The following ARMC2 variants were observed in gnomAD, a reference collection of about 807,000 sequenced individuals.
ARMC2 encodes armadillo repeat containing 2, also known as armadillo repeat-containing protein 2.
In ARMC2, 67 loss-of-function variants were observed where a neutral mutation model predicts 90.3. That is an observed-to-expected ratio of 0.74 (90% CI 0.61 to 0.91). The LOEUF is 0.91. Among genes scored for constraint, ARMC2 ranks in the 40% least tolerant of loss-of-function variants. ARMC2 has a pLI of 0.00. For synonymous variants in ARMC2, 393 were observed against 393.0 expected, an observed-to-expected ratio of 1.00 and a Z score of 0.00; for missense variants, 920 against 1,030.9, an observed-to-expected ratio of 0.89 and a Z score of 1.47.
At chr6:108,891,471 G>A (rs912309058) in intron 5 of ARMC2, among the ~76,000 whole-genome samples, 12 of 152,194 alleles carry the variant, frequency 7.9e-5, no homozygotes, top group African/African-American at 2.9e-4. Flanking sequence ...ATATCTCATT[G>A]TGGTTTTGAT....
chr6:108,862,165 G>A, intron 3 of ARMC2, among the ~76,000 whole-genome samples: 1 of 151,884 alleles, frequency 6.6e-6, no homozygotes. Context: ...CCAACATGGT[G>A]AAACCCCGTC....
intron 13 of ARMC2, among the ~76,000 whole-genome samples, chr6:108,956,429 G>A (rs900413752): frequency 6.6e-6 from 1 of 152,158 alleles, no homozygotes; most frequent in African/African-American, 2.4e-5. Flanking sequence ...GGGCACGGTG[G>A]TTCGCGCCTA....
At chr6:108,954,351 C>G (rs1220347944) in intron 13 of ARMC2, among the ~76,000 whole-genome samples, 1 of 152,112 alleles carries the variant, frequency 6.6e-6, no homozygotes, top group African/African-American at 2.4e-5. Context: ...TTAGGTGGGC[C>G]TGGTGGCTCA....
chr6:108,964,887 A>G (rs1778255379), intron 16 of ARMC2, 93 bp from the exon 17 acceptor site: 1 of 944,986 alleles, frequency 1.1e-6, no homozygotes, highest in African/African-American at 1.6e-5. Flanking sequence ...TTATACTTAC[A>G]TATCACAGAA....
intron 5 of ARMC2, among the ~76,000 whole-genome samples, chr6:108,884,800 GGA>G (rs1364433937): frequency 5.9e-5 from 9 of 152,174 alleles, no homozygotes; most frequent in Non-Finnish European, 1.0e-4. Context: ...GGACGAATGG[GGA>G]GAGGAGAGCC....
intron 10 of ARMC2, among the ~76,000 whole-genome samples, chr6:108,924,791 C>A (rs1774954132): frequency 6.6e-6 from 1 of 152,188 alleles, no homozygotes; most frequent in East Asian, 1.9e-4. Flanking sequence ...GAGATGCCCC[C>A]TCTGGCAGCA....
the ARMC2 span, chr6:108,994,593 A>G: frequency 6.2e-7 from 1 of 1,612,238 alleles, no homozygotes; most frequent in Non-Finnish European, 8.5e-7. Context: ...TTCAACCTCA[A>G]AGAAAGAATC....
chr6:108,884,014 AATAAAT>A (rs1777842418), intron 5 of ARMC2, among the ~76,000 whole-genome samples: 1 of 152,234 alleles, frequency 6.6e-6, no homozygotes, highest in African/African-American at 2.4e-5. Flanking sequence ...TTTAAAAAAT[AATAAAT>A]ATATCATTTT....
intron 6 of ARMC2, among the ~76,000 whole-genome samples, chr6:108,897,849 G>T (rs1044368720): frequency 6.6e-6 from 1 of 151,992 alleles, no homozygotes; most frequent in Non-Finnish European, 1.5e-5. Context: ...GACTTTATTG[G>T]ATTTCTTGAT....
intron 1 of ARMC2, among the ~76,000 whole-genome samples, chr6:108,852,983 C>T (rs1224499118): frequency 1.3e-5 from 2 of 151,982 alleles, no homozygotes; most frequent in Non-Finnish European, 2.9e-5. Context: ...AAGTAAAAGC[C>T]AATCATTTCA....
chr6:109,015,288 C>T, the ARMC2 span, among the ~76,000 whole-genome samples: 1 of 152,114 alleles, frequency 6.6e-6, no homozygotes, highest in African/African-American at 2.4e-5. Flanking sequence ...TACCCAAGCT[C>T]CTTTGATTTT....
chr6:108,915,034 C>A (rs1254547128), intron 10 of ARMC2, among the ~76,000 whole-genome samples: 1 of 151,864 alleles, frequency 6.6e-6, no homozygotes, highest in Non-Finnish European at 1.5e-5. Context: ...CTCACTGCAA[C>A]CTCCACCTCC....
chr6:108,919,511 C>T (rs1224949886), intron 10 of ARMC2, among the ~76,000 whole-genome samples: 1 of 146,716 alleles, frequency 6.8e-6, no homozygotes, highest in Admixed American at 6.7e-5. Context: ...TAAGTTCTTA[C>T]AGATAATTTT....
chr6:108,998,552 A>C, the ARMC2 span: 2 of 1,613,828 alleles, frequency 1.2e-6, no homozygotes, highest in Non-Finnish European at 1.7e-6. Context: ...TCTCATCCAC[A>C]CTGTGATTGC....
At chr6:108,857,322 G>A (rs1465957856) in intron 2 of ARMC2, among the ~76,000 whole-genome samples, 2 of 152,112 alleles carry the variant, frequency 1.3e-5, no homozygotes, top group African/African-American at 4.8e-5. Flanking sequence ...TTTTTGGAGT[G>A]CTAATATAAA....
rs1772474899 is a variant in ARMC2 at position 108,904,533 on chromosome 6, A to G, written c.1023+128A>G. 4.3e-6 allele frequency: 4 copies of G among 922,940 alleles called. No individual in the cohort carries two copies. The African/African-American group carries it at 5.2e-5, about 12-fold the overall frequency. 57.2% of individuals were successfully genotyped at this position (922,940 alleles called of 1,614,324 possible). ...TTGTTTAGAATCTTGGAAAAAAATT[A>G]AGGTAATAAACTGACATCTCAGAAT... On this transcript the variant is annotated intron_variant, in intron 8 of 17. Transcript: ENST00000392644.
intron 9 of ARMC2, among the ~76,000 whole-genome samples, chr6:108,911,225 T>C (rs1406910764): frequency 6.6e-6 from 1 of 152,204 alleles, no homozygotes; most frequent in Non-Finnish European, 1.5e-5. Flanking sequence ...TGTAGTAACA[T>C]TATGTGACTT....
At chr6:109,002,678 C>T in the ARMC2 span, among the ~76,000 whole-genome samples, 1 of 152,164 alleles carries the variant, frequency 6.6e-6, no homozygotes, top group African/African-American at 2.4e-5. Flanking sequence ...TGTGTTTGTA[C>T]ATCTAAAACT....
At chr6:108,956,092 C>A (rs1777563176) in intron 13 of ARMC2, among the ~76,000 whole-genome samples, 2 of 152,316 alleles carry the variant, frequency 1.3e-5, no homozygotes, top group Middle Eastern at 3.4e-3. Context: ...CAGGATCTAG[C>A]AGAAGCCTGA....
Sources: allele counts gnomAD v4.1 joint callset (sites outside exome capture counted in the v4.1 genomes callset), GRCh38; gene constraint gnomAD v4.1.1; transcripts MANE v1.5; gene names NCBI Gene and HGNC (gene_info 2026-07-23, HGNC 2026-07-21).